Variants in WDR73 observed in about 807,000 individuals in gnomAD.
WDR73 encodes the protein integrator complex assembly factor WDR73.
Under a neutral mutation model 38.2 loss-of-function variants are expected in WDR73, and 30 were observed. The observed-to-expected ratio is 0.79, with a 90% CI of 0.59 to 1.06. WDR73 has a LOEUF of 1.06. Ranked by LOEUF, WDR73 falls within the 50% of genes least tolerant of loss-of-function variation. WDR73 has a pLI of 0.00. For missense variants in WDR73, 487 were observed against 467.0 expected, an observed-to-expected ratio of 1.04 and a Z score of -0.40; for synonymous variants, 197 against 176.0, an observed-to-expected ratio of 1.12 and a Z score of -0.94.
intron 1 of WDR73, 40 bp downstream of exon 1, chr15:84,654,194 T>C (rs1474934097): frequency 1.9e-6 from 3 of 1,613,528 alleles, no homozygotes; most frequent in Non-Finnish European, 2.5e-6. Context: ...CCAGGCAAGC[T>C]CCAGGCCCAG....
In WDR73 at chr15:84,648,549, A is replaced by G; in HGVS notation, c.275T>C (p.Val92Ala). ...AAATTGACCATACCTGGTATGTGGC[A>G]CATGCTTTAGATCAAAGATAGACCT... Reference protein sequence around the residue: ...SDRSIFDLKHVPHTRLLVTSG... With the variant: ...SDRSIFDLKHAPHTRLLVTSG... The change falls in exon 4 of 8, where the codon GTG (valine) becomes GCG (alanine). Residue 92 changes from valine (V) to alanine (A), a missense_variant. Coordinates refer to ENST00000434634, the MANE Select transcript of WDR73 (RefSeq NM_032856.5). 6.2e-7 allele frequency: 1 copy of G among 1,613,648 alleles called. No individual in the cohort carries two copies.
chr15:84,648,591 T>C lies in WDR73; in HGVS notation c.233A>G (p.His78Arg). 1.2e-6 allele frequency: 2 copies of C among 1,613,960 alleles called. No individual in the cohort carries two copies. The highest frequency in any genetic ancestry group is 1.7e-6 in the Non-Finnish European group (2 of 1,179,852). The change falls in exon 4 of 8, where the codon CAT (histidine) becomes CGT (arginine). Residue 78 changes from histidine (H) to arginine (R), a missense_variant. Coordinates refer to ENST00000434634, the MANE Select transcript of WDR73 (RefSeq NM_032856.5). ...GATAGACCTGTCTGAAAATCCTCCATGGCGCACTTTGAAATCTCTTTCTGG... is the reference window on the plus strand; with the variant it reads ...GATAGACCTGTCTGAAAATCCTCCACGGCGCACTTTGAAATCTCTTTCTGG... ...LFPERDFKVR[H>R]GGFSDRSIFD...
Position 84,645,835 on chromosome 15 carries a change from A to G in WDR73, c.519T>C (p.Asp173=), listed in dbSNP as rs1476958240. Residue 173 remains aspartate, a splice_region_variant and synonymous_variant, in exon 7 of 8, where the codon GAT becomes GAC. Transcript: ENST00000434634. Reference sequence around the variant, plus strand: ...TACTCAGCTCCTCACTGTCACTGACATCTGGAAGACCGACAGCAAAGGAGA... The same window carrying G: ...TACTCAGCTCCTCACTGTCACTGACGTCTGGAAGACCGACAGCAAAGGAGA... The part of the protein sequence containing the change: ...LESRKTTYTS[D]VSDSEELSSL... 1.2e-6 allele frequency: 2 copies of G among 1,613,834 alleles called. No homozygotes were observed. The highest frequency in any genetic ancestry group is 1.7e-5 in the Admixed American group (1 of 60,016).
intron 1 of WDR73, chr15:84,653,948 A>C (rs1028726281): frequency 6.6e-6 from 4 of 604,426 alleles, no homozygotes; most frequent in Non-Finnish European, 1.2e-5. Flanking sequence ...AATCAATGAG[A>C]TCATCTGTGT....
At chr15:84,648,470 C>A (rs573223660) in intron 4 of WDR73, 67 bp downstream of exon 4, 2 of 1,166,314 alleles carry the variant, frequency 1.7e-6, no homozygotes, top group African/African-American at 1.5e-5. Context: ...AGGCAGAATA[C>A]CCCCAGGCAT....
chr15:84,646,995 A>G (rs1300853367), intron 5 of WDR73: 1 of 152,492 alleles, frequency 6.6e-6, no homozygotes, highest in Admixed American at 6.5e-5. Context: ...CAGGTTCAAG[A>G]AATTCTTCTG....
chr15:84,645,488 T>C lies in WDR73; in HGVS notation c.866A>G (p.Asn289Ser). The C allele has an allele frequency of 1.2e-6, 2 of 1,612,208 alleles. No homozygotes were observed. Among genetic ancestry groups the C allele is most frequent in the Non-Finnish European group, 8.5e-7 (1 of 1,178,952 alleles). Reference protein sequence around the residue: ...LRVTWAPGLKNCLAISGFDGT... With the variant: ...LRVTWAPGLKSCLAISGFDGT... ...GGCAGTACCTGAGATGGCCAAGCAA[T>C]TCTTCAGGCCTGGGGCCCAAGTCAC... Residue 289 changes from asparagine (N) to serine (S), a missense_variant, in exon 7 of 8, where the codon AAT becomes AGT. Transcript: ENST00000434634.
intron 3 of WDR73, among the ~76,000 whole-genome samples, chr15:84,652,206 G>T (rs897718883): frequency 1.3e-5 from 2 of 152,146 alleles, no homozygotes; most frequent in African/African-American, 4.8e-5. Context: ...ACTCTAGACA[G>T]CTACTAACTC....
chr15:84,646,368 C>G lies in WDR73; in HGVS notation c.353-20G>C. 1.3e-6 allele frequency: 2 copies of G among 1,595,216 alleles called. No homozygotes were observed. Among genetic ancestry groups the G allele is most frequent in the Non-Finnish European group, 1.7e-6 (2 of 1,166,596 alleles). On this transcript the variant is annotated intron_variant, in intron 5 of 7. Coordinates refer to ENST00000434634, the MANE Select transcript of WDR73 (RefSeq NM_032856.5). Reference sequence around the variant, plus strand: ...TGACATCTAGGGGAAAACGAAGAGGCCAAAATCCAGAACTTTAATGAAGGT... The same window carrying G: ...TGACATCTAGGGGAAAACGAAGAGGGCAAAATCCAGAACTTTAATGAAGGT...
intron 3 of WDR73, among the ~76,000 whole-genome samples, chr15:84,650,091 A>G (rs1288563602): frequency 6.6e-6 from 1 of 152,162 alleles, no homozygotes; most frequent in African/African-American, 2.4e-5. Flanking sequence ...AGGCTGAACA[A>G]TGTTTTTCTA....
intron 4 of WDR73, chr15:84,648,198 AAC>A (rs896020990): frequency 1.8e-5 from 11 of 595,594 alleles, no homozygotes; most frequent in African/African-American, 5.6e-5. Context: ...TATGGGGCCA[AAC>A]ACAACCTGAC....
In WDR73 at chr15:84,643,502, A is replaced by G; in HGVS notation, c.1105T>C (p.Trp369Arg). The change falls in exon 8 of 8, where the codon TGG becomes CGG. Residue 369 changes from tryptophan to arginine, a missense_variant. Trp to Arg is a moderately radical substitution (Grantham distance 101, BLOSUM62 -3). Coordinates refer to ENST00000434634, the MANE Select transcript of WDR73 (RefSeq NM_032856.5). ...SATNDASLHV[W>R]DWVDLCAPR ...GGGGCACAAAGGTCCACCCAGTCCC[A>G]CACATGCAGAGAGGCATCATTTGTT... 1.3e-6 allele frequency: 2 copies of G among 1,569,914 alleles called. No individual in the cohort carries two copies. Among genetic ancestry groups the G allele is most frequent in the Non-Finnish European group, 1.7e-6 (2 of 1,156,700 alleles).
intron 3 of WDR73, among the ~76,000 whole-genome samples, chr15:84,649,670 A>T (rs2141842332): frequency 6.6e-6 from 1 of 152,020 alleles, no homozygotes; most frequent in South Asian, 2.1e-4. Flanking sequence ...GGGTTTTGCC[A>T]TGTTGCCCAG....
At chr15:84,645,866 G>C in intron 6 of WDR73, 30 bp from the exon 7 acceptor site, 1 of 1,612,872 alleles carries the variant, frequency 6.2e-7, no homozygotes, top group Non-Finnish European at 8.5e-7. Flanking sequence ...GGAGACAAGC[G>C]GCTGGAGGCA....
At chr15:84,654,016 C>G (rs1253650487) in intron 1 of WDR73, 11 of 631,566 alleles carry the variant, frequency 1.7e-5, no homozygotes, top group Non-Finnish European at 2.8e-5. Context: ...TTCACAAGCG[C>G]GGCTCTTACT....
At chr15:84,651,139 T>C (rs1338149559) in intron 3 of WDR73, among the ~76,000 whole-genome samples, 1 of 147,596 alleles carries the variant, frequency 6.8e-6, no homozygotes, top group Non-Finnish European at 1.5e-5. Context: ...TTTAAGAAGT[T>C]TGGGGCCAGG....
rs777924830 is a variant in WDR73 at position 84,646,192 on chromosome 15, T to C, written c.509A>G (p.Tyr170Cys). Reference protein sequence around the residue: ...VVDLESRKTTYTSDVSDSEEL... With the variant: ...VVDLESRKTTCTSDVSDSEEL... ...ACAAAGTACCACGGTACCTGAGGTGTACGTGGTCTTCCGGGACTCCAGATC... is the reference window on the plus strand; with the variant it reads ...ACAAAGTACCACGGTACCTGAGGTGCACGTGGTCTTCCGGGACTCCAGATC... Residue 170 changes from tyrosine (Y) to cysteine (C), a missense_variant, in exon 6 of 8, where the codon TAC becomes TGC. Tyr to Cys is a radical substitution (Grantham distance 194). Transcript: ENST00000434634. 3 of 1,613,560 alleles carry C rather than the reference T, an allele frequency of 1.9e-6. No individual in the cohort carries two copies. The highest frequency in any genetic ancestry group is 2.7e-5 in the African/African-American group (2 of 74,906).
rs1896352392 is a variant in WDR73, at chr15:84,643,809, G to A, written c.884-86C>T. ...TCTTTCTATTTTTAATAGAGATGGG[G>A]TTTCACCATGTTGACCAGGATGGTC... On this transcript the variant is annotated intron_variant, in intron 7 of 7. Coordinates refer to ENST00000434634, the MANE Select transcript of WDR73 (RefSeq NM_032856.5). The A allele has an allele frequency of 1.4e-5, 19 of 1,402,532 alleles. No homozygotes were observed. In the South Asian group the frequency reaches 2.1e-4, roughly 15 times the overall value. The allele number at this position is 1,402,532 out of a possible 1,614,324, so 86.9% of individuals were successfully genotyped here.
At chr15:84,643,765 T>C in intron 7 of WDR73, 42 bp from the exon 8 acceptor site, 5 of 1,532,536 alleles carry the variant, frequency 3.3e-6, no homozygotes, top group Non-Finnish European at 4.4e-6. Context: ...GAGTCCCTAA[T>C]TTTATTTTAA....
Sources: allele counts gnomAD v4.1 joint callset (sites outside exome capture counted in the v4.1 genomes callset), GRCh38; gene constraint gnomAD v4.1.1; transcripts MANE v1.5; gene names NCBI Gene and HGNC (gene_info 2026-07-23, HGNC 2026-07-21).